ATP8A1: variants seen among roughly 807,000 people sequenced by gnomAD.
The protein encoded by ATP8A1 is ATPase phospholipid transporting 8A1, also known as phospholipid-transporting ATPase IA.
Under a neutral mutation model 177.7 loss-of-function variants are expected in ATP8A1, and 90 were observed. The observed-to-expected ratio is 0.51, with a 90% CI of 0.43 to 0.60. ATP8A1 has a LOEUF of 0.60. Ranked by LOEUF, ATP8A1 falls within the 20% of genes least tolerant of loss-of-function variation. The pLI is 0.00. For missense variants in ATP8A1, 1,072 were observed against 1,392.8 expected (o/e 0.77, Z 3.67); for synonymous variants, 493 against 485.9 (o/e 1.01, Z -0.19).
chr4:42,617,883 T>C (rs561990049), intron 4 of ATP8A1, among the ~76,000 whole-genome samples: 2 of 152,336 alleles, frequency 1.3e-5, no homozygotes, highest in African/African-American at 2.4e-5. Context: ...TCTATCTCAA[T>C]AGGCAGATTT....
intron 27 of ATP8A1, among the ~76,000 whole-genome samples, chr4:42,458,181 T>C (rs934270691): frequency 6.6e-6 from 1 of 151,160 alleles, no homozygotes; most frequent in African/African-American, 2.5e-5. Flanking sequence ...TGGGAACATA[T>C]CCCGTGCAAA....
chr4:42,592,609 ATACAGTCACGTG>A (rs1421418615), intron 6 of ATP8A1, among the ~76,000 whole-genome samples: 1 of 152,142 alleles, frequency 6.6e-6, no homozygotes, highest in African/African-American at 2.4e-5. Context: ...TTGAACTTAT[ATACAGTCACGTG>A]ACAATGACAG....
At chr4:42,560,443 A>C (rs1730702093) in intron 15 of ATP8A1, among the ~76,000 whole-genome samples, 1 of 152,108 alleles carries the variant, frequency 6.6e-6, no homozygotes, top group Non-Finnish European at 1.5e-5. Context: ...CTATCTATAC[A>C]CTAAATGCAC....
Position 42,426,631 on chromosome 4 carries a change from T to TC in ATP8A1, c.3124-2927_3124-2926insG, listed in dbSNP as rs1714654516. ...TGCATAACATTGATTATTAACAAAC[T>TC]TTCTTCATTTCAATTGTCAAATTTC... is the stretch of plus-strand genomic sequence containing the variant. On this transcript the variant is annotated intron_variant, in intron 33 of 36. Coordinates refer to ENST00000381668, the MANE Select transcript of ATP8A1 (RefSeq NM_006095.2). Among the ~76,000 whole-genome samples the TC allele has an allele frequency of 2.0e-5, 3 of 152,252 alleles. No homozygotes were observed. The South Asian group carries it at 6.2e-4, about 32-fold the overall frequency.
At chr4:42,519,011 GTCC>G (rs1175764758) in intron 22 of ATP8A1, among the ~76,000 whole-genome samples, 11 of 152,142 alleles carry the variant, frequency 7.2e-5, no homozygotes, top group African/African-American at 2.7e-4. Flanking sequence ...AAATCCTACA[GTCC>G]TCCTATGATC....
At chr4:42,499,363 G>GAAAAAAA (rs962565288) in intron 24 of ATP8A1, among the ~76,000 whole-genome samples, 3 of 152,104 alleles carry the variant, frequency 2.0e-5, no homozygotes, top group African/African-American at 7.2e-5. Context: ...AAAGGAGGAT[G>GAAAAAAA]AAAAATAGAA....
rs767994656 is a variant in ATP8A1 at position 42,436,335 on chromosome 4, G to A, written c.3123+7230C>T. 6.1e-4 allele frequency among the ~76,000 whole-genome samples: 93 copies of A among 152,316 alleles called. 1 individual carries two copies. The highest frequency in any genetic ancestry group is 3.3e-3 in the Admixed American group (51 of 15,304). On this transcript the variant is annotated intron_variant, in intron 33 of 36. Coordinates refer to ENST00000381668, the MANE Select transcript of ATP8A1 (RefSeq NM_006095.2). ...ATTAGACGCTCGATCTACACTTGCC[G>A]TATATTGCAGGCAAAGGTGCTGTGG...
chr4:42,627,693 C>T (rs1327872997), intron 1 of ATP8A1, among the ~76,000 whole-genome samples: 1 of 152,190 alleles, frequency 6.6e-6, no homozygotes, highest in Non-Finnish European at 1.5e-5. Context: ...ATTGAAACAA[C>T]AGGATACATT....
At chr4:42,437,878 C>A (rs1310506810) in intron 33 of ATP8A1, among the ~76,000 whole-genome samples, 1 of 152,140 alleles carries the variant, frequency 6.6e-6, no homozygotes, top group South Asian at 2.1e-4. Flanking sequence ...TCACTTCAGG[C>A]ATGCAGAATG....
chr4:42,550,735 T>C (rs184159723), intron 18 of ATP8A1, among the ~76,000 whole-genome samples: 38 of 152,324 alleles, frequency 2.5e-4, no homozygotes, highest in Non-Finnish European at 4.7e-4. Context: ...TGTAGTGCCA[T>C]CTCACTGTGG....
intron 20 of ATP8A1, among the ~76,000 whole-genome samples, chr4:42,537,966 A>C (rs1483711443): frequency 6.6e-6 from 1 of 152,344 alleles, no homozygotes; most frequent in Admixed American, 6.5e-5. Flanking sequence ...GACTAAGCAA[A>C]AACAACAAAT....
At chr4:42,635,202 A>C (rs1739150148) in intron 1 of ATP8A1, among the ~76,000 whole-genome samples, 1 of 152,048 alleles carries the variant, frequency 6.6e-6, no homozygotes, top group Non-Finnish European at 1.5e-5. Flanking sequence ...GGGGTTATGC[A>C]ACAGAAATGC....
intron 20 of ATP8A1, among the ~76,000 whole-genome samples, chr4:42,537,737 A>C (rs1468530502): frequency 6.6e-6 from 1 of 152,232 alleles, no homozygotes; most frequent in Admixed American, 6.5e-5. Context: ...GAAAACTACA[A>C]AACACTGCTG....
In ATP8A1 at chr4:42,556,215, AT is replaced by A. The variant is rs879079302; in HGVS notation, c.1341-176del. 5.3e-5 allele frequency: 23 copies of A among 430,038 alleles called. No individual in the cohort carries two copies. The South Asian group carries it at 1.6e-3, about 30-fold the overall frequency. 26.6% of individuals were successfully genotyped at this position (430,038 alleles called of 1,614,324 possible). A position where few individuals can be genotyped will look rare whatever the true frequency, so the allele number is the denominator to read the frequency against. On this transcript the variant is annotated intron_variant, in intron 15 of 36. Transcript: ENST00000381668. ...AGATTTCATGATTGTATCACAAAAT[AT>A]ATTCAAGCATTCTAAAATGTGAAAG...
chr4:42,553,576 G>A (rs879599034), intron 16 of ATP8A1, among the ~76,000 whole-genome samples: 12 of 151,926 alleles, frequency 7.9e-5, no homozygotes, highest in East Asian at 1.9e-4. Context: ...AAAGAGAAAT[G>A]TCATTCAATT....
chr4:42,553,962 A>G (rs979162646), intron 16 of ATP8A1, among the ~76,000 whole-genome samples: 3 of 152,200 alleles, frequency 2.0e-5, no homozygotes, highest in Non-Finnish European at 4.4e-5. Context: ...AAAGAAGGAA[A>G]AAAACGATGT....
chr4:42,553,497 C>T (rs182802243), intron 16 of ATP8A1, among the ~76,000 whole-genome samples: 81 of 152,154 alleles, frequency 5.3e-4, no homozygotes, highest in African/African-American at 1.8e-3. Context: ...CCTTTCTGCA[C>T]GGAGCTTAGG....
intron 25 of ATP8A1, among the ~76,000 whole-genome samples, chr4:42,468,430 TACAC>T (rs139371340): frequency 0.36 from 54,075 of 150,352 alleles, 9,866 homozygotes; most frequent in East Asian, 0.57. Context: ...ATATATTTTA[TACAC>T]ACACACACAC....
intron 15 of ATP8A1, 22 bp downstream of exon 15, chr4:42,569,139 C>G (rs1731652714): frequency 6.4e-7 from 1 of 1,565,660 alleles, no homozygotes; most frequent in Non-Finnish European, 8.7e-7. Context: ...ATCAATGAGG[C>G]AGAAAGTTCC....
Sources: allele counts gnomAD v4.1 joint callset (sites outside exome capture counted in the v4.1 genomes callset), GRCh38; gene constraint gnomAD v4.1.1; transcripts MANE v1.5; gene names NCBI Gene and HGNC (gene_info 2026-07-23, HGNC 2026-07-21).